Variants in ACOT7 observed in about 807,000 individuals in gnomAD.
The protein encoded by ACOT7 is cytosolic acyl coenzyme A thioester hydrolase.
Under a neutral mutation model 40.2 loss-of-function variants are expected in ACOT7, and 12 were observed. The observed-to-expected ratio is 0.30, with a 90% CI of 0.19 to 0.48. The LOEUF (loss-of-function observed/expected upper bound fraction) is 0.48. ACOT7 is among the 20% of genes least tolerant of loss of function. ACOT7 has a pLI of 0.99. For missense variants in ACOT7, 395 were observed against 530.8 expected, an observed-to-expected ratio of 0.74 and a Z score of 2.51; for synonymous variants, 228 against 219.5, an observed-to-expected ratio of 1.04 and a Z score of -0.34.
chr1:6,382,295 G>A (rs556120786), intron 1 of ACOT7, among the ~76,000 whole-genome samples: 3 of 149,914 alleles, frequency 2.0e-5, no homozygotes, highest in South Asian at 2.1e-4. Flanking sequence ...TCCCAGCTAC[G>A]CGGGGGGCTG....
At chr1:6,287,252 G>A (rs981994715) in intron 7 of ACOT7, among the ~76,000 whole-genome samples, 7 of 152,368 alleles carry the variant, frequency 4.6e-5, no homozygotes, top group Admixed American at 1.3e-4. Flanking sequence ...CTGACGGGGC[G>A]GATGCCAGGT....
rs1183560179 is a variant in ACOT7 at position 6,306,775 on chromosome 1, G to C, written c.712+11717C>G. 4 of 1,285,276 alleles carry C rather than the reference G, an allele frequency of 3.1e-6. No individual in the cohort carries two copies. The African/African-American group carries it at 6.1e-5, about 20-fold the overall frequency. The allele number at this position is 1,285,276 out of a possible 1,614,324, so 79.6% of individuals were successfully genotyped here. On this transcript the variant is annotated intron_variant, in intron 6 of 8. Coordinates refer to ENST00000361521, the MANE Select transcript of ACOT7 (RefSeq NM_007274.4). The surrounding 1 kb of genome is among the most constrained non-coding windows in gnomAD (Gnocchi z 4.3). ...TCCTTGCCCCAACACTGAGGGTCTG[G>C]TGTGTTGTGTCCCACGTAGCAGTGG...
chr1:6,319,168 T>G (rs1640574811), intron 5 of ACOT7, among the ~76,000 whole-genome samples: 1 of 152,192 alleles, frequency 6.6e-6, no homozygotes, highest in Admixed American at 6.5e-5. Flanking sequence ...GCCGATGACA[T>G]ATAACGTCCA....
intron 7 of ACOT7, among the ~76,000 whole-genome samples, chr1:6,281,920 C>T (rs1380809560): frequency 6.6e-6 from 1 of 152,280 alleles, no homozygotes; most frequent in Admixed American, 6.5e-5. Context: ...GCCCACGGGA[C>T]CAAAGCTTCC....
At chr1:6,292,804 C>T (rs923614282) in intron 7 of ACOT7, among the ~76,000 whole-genome samples, 2 of 151,764 alleles carry the variant, frequency 1.3e-5, no homozygotes, top group African/African-American at 4.8e-5. Flanking sequence ...GCCTCATCCT[C>T]CCAAGTAGCT....
chr1:6,308,454 C>T (rs967214876), intron 6 of ACOT7, among the ~76,000 whole-genome samples: 2 of 149,274 alleles, frequency 1.3e-5, no homozygotes, highest in African/African-American at 5.0e-5. Flanking sequence ...GGAACCACGA[C>T]CAGGTGGAGA....
intron 8 of ACOT7, among the ~76,000 whole-genome samples, chr1:6,269,098 C>T (rs540071052): frequency 6.6e-6 from 1 of 152,346 alleles, no homozygotes; most frequent in African/African-American, 2.4e-5. Context: ...CCAAGCAGCA[C>T]AGAAATGATT....
Position 6,364,818 on chromosome 1 carries a change from G to A in ACOT7, c.144-14952C>T, listed in dbSNP as rs184036377. On this transcript the variant is annotated intron_variant, in intron 1 of 8. Coordinates refer to ENST00000361521, the MANE Select transcript of ACOT7 (RefSeq NM_007274.4). ...AGCCAAGATCACGCCACTGCACTCCGGCCTGGGGACAGAGCGAGACTCCAT... is the reference window on the plus strand; with the variant it reads ...AGCCAAGATCACGCCACTGCACTCCAGCCTGGGGACAGAGCGAGACTCCAT... Among the ~76,000 whole-genome samples the A allele has an allele frequency of 4.6e-4, 63 of 137,526 alleles. 2 individuals are homozygous for A. The highest frequency in any genetic ancestry group is 8.3e-4 in the Non-Finnish European group (54 of 65,254). 90.2% of individuals were successfully genotyped at this position (137,526 alleles called of 152,430 possible). A position where few individuals can be genotyped will look rare whatever the true frequency, so the allele number is the denominator to read the frequency against.
In ACOT7 at chr1:6,274,431, G is replaced by A. The variant is rs533343023; in HGVS notation, c.1014+6671C>T. 2.6e-5 allele frequency among the ~76,000 whole-genome samples: 4 copies of A among 152,308 alleles called. No homozygotes were observed. The highest frequency in any genetic ancestry group is 6.5e-5 in the Admixed American group (1 of 15,306). On this transcript the variant is annotated intron_variant, in intron 8 of 8. Coordinates refer to ENST00000361521, the MANE Select transcript of ACOT7 (RefSeq NM_007274.4). The surrounding 1 kb of genome is among the most constrained non-coding windows in gnomAD (Gnocchi z 5.9). ...TGGGGCCCATCCCGCCCCTCCAGCT[G>A]AACAGCAGGTCAAACAGTGCCCTCC...
rs570284509 is a variant in ACOT7, at chr1:6,305,279, C to A, written c.713-10299G>T. On this transcript the variant is annotated intron_variant, in intron 6 of 8. Transcript: ENST00000361521. ...CCCCCCACCTCCCTCCCGGACGGGG[C>A]GGCTGTCCGGGCAGAGGGGCTCCTC... 3.4e-3 allele frequency among the ~76,000 whole-genome samples: 472 copies of A among 140,230 alleles called. 7 individuals carry two copies. The highest frequency in any genetic ancestry group is 0.012 in the African/African-American group (451 of 37,108). 92.0% of individuals were successfully genotyped at this position (140,230 alleles called of 152,430 possible).
At chr1:6,281,352 G>A (rs939733397) in intron 7 of ACOT7, 66 bp from the exon 8 acceptor site, 51 of 1,457,728 alleles carry the variant, frequency 3.5e-5, no homozygotes, top group Middle Eastern at 3.5e-4. Flanking sequence ...GGACACTGGC[G>A]TTTCTGTGGT....
intron 6 of ACOT7, among the ~76,000 whole-genome samples, chr1:6,297,631 G>C (rs903210018): frequency 6.6e-6 from 1 of 152,188 alleles, no homozygotes; most frequent in African/African-American, 2.4e-5. Flanking sequence ...CTACCAACTA[G>C]AGAAAAAGAT....
chr1:6,363,611 C>T (rs2148468200), intron 1 of ACOT7, among the ~76,000 whole-genome samples: 1 of 152,230 alleles, frequency 6.6e-6, no homozygotes, highest in South Asian at 2.1e-4. Flanking sequence ...CTGTCTCTCT[C>T]TCTCTCCCTC....
chr1:6,302,958 A>G (rs1268974417), intron 6 of ACOT7, among the ~76,000 whole-genome samples: 1 of 152,198 alleles, frequency 6.6e-6, no homozygotes, highest in East Asian at 1.9e-4. Flanking sequence ...CAACCCAGAA[A>G]AACATAGTGC....
intron 6 of ACOT7, among the ~76,000 whole-genome samples, chr1:6,303,180 C>T (rs746993332): frequency 3.2e-4 from 48 of 152,282 alleles, no homozygotes; most frequent in Non-Finnish European, 5.6e-4. Context: ...GCAGGCACAA[C>T]GGGTGCTGCC....
chr1:6,276,812 G>C (rs958055301), intron 8 of ACOT7, among the ~76,000 whole-genome samples: 1 of 152,158 alleles, frequency 6.6e-6, no homozygotes, highest in South Asian at 2.1e-4. Flanking sequence ...ATGGGCCCCA[G>C]GACACCTCAG....
At chr1:6,303,105 C>T (rs7526380) in intron 6 of ACOT7, among the ~76,000 whole-genome samples, 2,935 of 152,248 alleles carry the variant, frequency 0.019, 92 homozygotes, top group African/African-American at 0.068. Context: ...TATCGAGTGC[C>T]TAAGTTTTTT....
chr1:6,264,787 C>T (rs1043268841), intron 8 of ACOT7, 92 bp from the exon 9 acceptor site: 2 of 1,351,390 alleles, frequency 1.5e-6, no homozygotes, highest in Non-Finnish European at 2.0e-6. Context: ...GCCCCCCACC[C>T]GTGGGATCTG....
chr1:6,300,227 G>C (rs1331382882), intron 6 of ACOT7, among the ~76,000 whole-genome samples: 2 of 152,116 alleles, frequency 1.3e-5, no homozygotes, highest in Non-Finnish European at 2.9e-5. Flanking sequence ...TTTAAGGAAG[G>C]GACACCAAAG....
Sources: gnomAD v4.1 joint callset for allele counts (sites outside exome capture counted in the v4.1 genomes callset) on GRCh38, gnomAD v4.1.1 for gene constraint, Gnocchi (gnomAD v3.1) non-coding constraint, MANE v1.5 for transcripts, NCBI Gene and HGNC (gene_info 2026-07-23, HGNC 2026-07-21) for gene names.